KIAA0586: variants seen among roughly 807,000 people sequenced by gnomAD.
The protein encoded by KIAA0586 is protein TALPID3.
KIAA0586 carries 144 observed loss-of-function variants against 169.8 expected under a neutral mutation model. That is an observed-to-expected ratio of 0.85 (90% CI 0.74 to 0.97). The LOEUF (loss-of-function observed/expected upper bound fraction) is 0.97, where lower values mean the gene tolerates loss of function less well. KIAA0586 is among the 50% of genes least tolerant of loss of function. The pLI, the probability that KIAA0586 is intolerant of heterozygous loss-of-function variation, is 0.00. For missense variants in KIAA0586, 1,854 were observed against 1,823.0 expected, an observed-to-expected ratio of 1.02 and a Z score of -0.31; for synonymous variants, 625 against 612.4, an observed-to-expected ratio of 1.02 and a Z score of -0.30.
At chr14:58,456,260 A>C (rs2039841888) in intron 9 of KIAA0586, among the ~76,000 whole-genome samples, 1 of 152,148 alleles carries the variant, frequency 6.6e-6, no homozygotes, top group Non-Finnish European at 1.5e-5. Context: ...TCTTACCTAG[A>C]GTCAGCCATT....
At chr14:58,466,873 G>C (rs1378663056) in intron 15 of KIAA0586, among the ~76,000 whole-genome samples, 1 of 152,180 alleles carries the variant, frequency 6.6e-6, no homozygotes. Context: ...AGTGAAAGCT[G>C]TGTGGGTGTG....
intron 25 of KIAA0586, 59 bp downstream of exon 25, chr14:58,490,299 G>A (rs1189826440): frequency 6.3e-6 from 6 of 956,788 alleles, no homozygotes; most frequent in Non-Finnish European, 9.3e-6. Context: ...GTATGAATTG[G>A]TTGCCACTGA....
intron 8 of KIAA0586, among the ~76,000 whole-genome samples, chr14:58,452,439 C>T (rs962785518): frequency 6.6e-6 from 1 of 152,070 alleles, no homozygotes; most frequent in African/African-American, 2.4e-5. Flanking sequence ...TTAAGAAAGT[C>T]ACAAGATAAT....
At position 58,465,887 on chromosome 14, in the gene KIAA0586, T is replaced by A; in HGVS notation, c.2112T>A (p.Pro704=). 4 of 1,612,954 alleles carry A rather than the reference T, an allele frequency of 2.5e-6. No individual in the cohort carries two copies. The highest frequency in any genetic ancestry group is 3.4e-6 in the Non-Finnish European group (4 of 1,179,256). Residue 704 remains proline, a synonymous_variant, in exon 15 of 31, where the codon CCT becomes CCA. Coordinates refer to ENST00000652326, the MANE Select transcript of KIAA0586 (RefSeq NM_001329943.3). The part of the protein sequence containing the change: ...RTQTDFYATK[P]KKMDSKMKHS... ...AGACTGACTTCTATGCAACAAAACCTAAGAAGATGGATTCTAAAATGAAAC... is the reference window on the plus strand; with the variant it reads ...AGACTGACTTCTATGCAACAAAACCAAAGAAGATGGATTCTAAAATGAAAC...
At chr14:58,535,371 C>T (rs1318697751) in intron 29 of KIAA0586, among the ~76,000 whole-genome samples, 1 of 152,200 alleles carries the variant, frequency 6.6e-6, no homozygotes, top group African/African-American at 2.4e-5. Context: ...GGCAGGCACT[C>T]TCTCTGTCAT....
chr14:58,506,185 T>C (rs1231668802), intron 27 of KIAA0586, among the ~76,000 whole-genome samples: 4 of 152,076 alleles, frequency 2.6e-5, no homozygotes, highest in East Asian at 1.9e-4. Flanking sequence ...CTTAGAAAAA[T>C]GTTGAACAAG....
intron 4 of KIAA0586, chr14:58,440,204 T>A: frequency 4.4e-6 from 2 of 449,496 alleles, no homozygotes; most frequent in Non-Finnish European, 4.5e-6. Context: ...CTTAATAATG[T>A]ATTTTGTGAA....
chr14:58,536,849 T>C (rs997128842), intron 29 of KIAA0586, among the ~76,000 whole-genome samples: 3 of 152,150 alleles, frequency 2.0e-5, no homozygotes, highest in African/African-American at 7.2e-5. Context: ...GATAAAAATA[T>C]AAATTATATT....
intron 7 of KIAA0586, among the ~76,000 whole-genome samples, chr14:58,450,251 T>G (rs2039251338): frequency 6.6e-6 from 1 of 152,220 alleles, no homozygotes; most frequent in Non-Finnish European, 1.5e-5. Context: ...TTAAAGTATA[T>G]AAAACTTTAA....
chr14:58,454,936 T>A (rs944618426), intron 9 of KIAA0586, among the ~76,000 whole-genome samples: 2 of 152,236 alleles, frequency 1.3e-5, no homozygotes, highest in Non-Finnish European at 2.9e-5. Context: ...TTTTGGACTC[T>A]GTGGTTTCTG....
downstream of KIAA0586, among the ~76,000 whole-genome samples, chr14:58,553,018 T>C (rs915237270): frequency 1.3e-5 from 2 of 152,240 alleles, no homozygotes; most frequent in African/African-American, 4.8e-5. Context: ...TAGGATTGCT[T>C]GTCAAGCTTG....
chr14:58,450,516 T>A, intron 7 of KIAA0586, 63 bp from the exon 8 acceptor site: 2 of 890,786 alleles, frequency 2.2e-6, no homozygotes, highest in Non-Finnish European at 3.6e-6. Context: ...GCAAGAGTAA[T>A]ATGCTATAAT....
At chr14:58,506,049 G>A (rs2043915360) in intron 27 of KIAA0586, among the ~76,000 whole-genome samples, 1 of 151,934 alleles carries the variant, frequency 6.6e-6, no homozygotes, top group Non-Finnish European at 1.5e-5. Flanking sequence ...TTCTAATAGA[G>A]TTCTTTTGTT....
intron 26 of KIAA0586, 45 bp downstream of exon 26, chr14:58,492,320 C>T (rs1291731197): frequency 6.7e-7 from 1 of 1,485,400 alleles, no homozygotes; most frequent in East Asian, 2.5e-5. Flanking sequence ...GATCTAAATA[C>T]AGGAAAAAAT....
At chr14:58,532,149 G>A (rs1371504383) in intron 29 of KIAA0586, among the ~76,000 whole-genome samples, 1 of 151,286 alleles carries the variant, frequency 6.6e-6, no homozygotes, top group East Asian at 1.9e-4. Flanking sequence ...AAACCTGCAC[G>A]TTCTGCATAT....
intron 8 of KIAA0586, among the ~76,000 whole-genome samples, chr14:58,451,923 T>G (rs933787655): frequency 3.3e-5 from 5 of 152,202 alleles, no homozygotes; most frequent in Non-Finnish European, 5.9e-5. Flanking sequence ...GACCTCGTGA[T>G]CCACCCACCT....
At position 58,531,210 on chromosome 14, in the gene KIAA0586, C is replaced by T. The variant is rs545909944; in HGVS notation, c.4430-8861C>T. 2.6e-5 allele frequency among the ~76,000 whole-genome samples: 4 copies of T among 151,268 alleles called. No homozygotes were observed. The South Asian group carries it at 8.4e-4, about 32-fold the overall frequency. On this transcript the variant is annotated intron_variant, in intron 29 of 30. Transcript: ENST00000652326. ...GGCATGGTGGTGGGCACCTGTAGTC[C>T]CAGCTACTTTGGAGGCTGAGGCAGG...
chr14:58,453,457 C>T lies in KIAA0586; in HGVS notation c.1237C>T (p.Pro413Ser), dbSNP rs377325998. Residue 413 changes from proline to serine, a missense_variant, in exon 9 of 31, where the codon CCT becomes TCT. Coordinates refer to ENST00000652326, the MANE Select transcript of KIAA0586 (RefSeq NM_001329943.3). Reference protein sequence around the residue: ...SLTRSKIGWTPEKTNRFPSCE... With the variant: ...SLTRSKIGWTSEKTNRFPSCE... The stretch of plus-strand genomic sequence containing the variant: ...AACTAGGTCAAAAATAGGATGGACT[C>T]CTGAGAAAACAAACAGGTAAAAACA... 2.4e-5 allele frequency: 36 copies of T among 1,511,200 alleles called. No homozygotes were observed. The African/African-American group carries it at 4.8e-4, about 20-fold the overall frequency. The allele number at this position is 1,511,200 out of a possible 1,614,324, so 93.6% of individuals were successfully genotyped here.
chr14:58,477,376 C>G, intron 20 of KIAA0586, 135 bp downstream of exon 20: 1 of 577,116 alleles, frequency 1.7e-6, no homozygotes, highest in Non-Finnish European at 3.1e-6. Flanking sequence ...CTTCTTAGTA[C>G]TTCTTTGGTG....
Sources: allele counts gnomAD v4.1 joint callset (sites outside exome capture counted in the v4.1 genomes callset), GRCh38; gene constraint gnomAD v4.1.1; transcripts MANE v1.5; gene names NCBI Gene and HGNC (gene_info 2026-07-23, HGNC 2026-07-21).